Variants in NME7 observed in about 807,000 individuals in gnomAD.
NME7 encodes NME/NM23 family member 7, also known as nucleoside diphosphate kinase 7.
Under a neutral mutation model 49.1 loss-of-function variants are expected in NME7, and 41 were observed. The observed-to-expected ratio is 0.83, with a 90% CI of 0.65 to 1.08. NME7 has a LOEUF of 1.08. Ranked by LOEUF, NME7 falls within the 50% of genes least tolerant of loss-of-function variation. The pLI, the probability that NME7 is intolerant of heterozygous loss-of-function variation, is 0.00. For synonymous variants in NME7, 139 were observed against 150.6 expected, an observed-to-expected ratio of 0.92 and a Z score of 0.56; for missense variants, 423 against 463.4, an observed-to-expected ratio of 0.91 and a Z score of 0.80.
Position 169,237,066 on chromosome 1 carries a change from A to C in NME7, c.819+557T>G, listed in dbSNP as rs74420281. 3.2e-3 allele frequency among the ~76,000 whole-genome samples: 491 copies of C among 152,196 alleles called. 18 individuals are homozygous for C. The East Asian group carries it at 0.074, about 23-fold the overall frequency. On this transcript the variant is annotated intron_variant, in intron 8 of 11. Transcript: ENST00000367811. ...GTTGTTTCTCACTGAAAGGTTTCCT[A>C]GGAGTGTATGAACAACGCAATTTTG...
At position 169,258,536 on chromosome 1, in the gene NME7, A is replaced by C. The variant is rs901794403; in HGVS notation, c.755-20849T>G. On this transcript the variant is annotated intron_variant, in intron 7 of 11. Coordinates refer to ENST00000367811, the MANE Select transcript of NME7 (RefSeq NM_013330.5). The stretch of plus-strand genomic sequence containing the variant: ...TTCTAACTTTCCAAAGTCACAGTTA[A>C]GGAAATTCACAAATTTAGACATCTT... 7.0e-5 allele frequency among the ~76,000 whole-genome samples: 9 copies of C among 128,088 alleles called. 1 individual carries two copies. The highest frequency in any genetic ancestry group is 2.4e-4 in the African/African-American group (9 of 38,176). 84.0% of individuals were successfully genotyped at this position (128,088 alleles called of 152,430 possible).
intron 7 of NME7, among the ~76,000 whole-genome samples, chr1:169,281,713 T>A (rs1005465182): frequency 3.9e-5 from 6 of 151,914 alleles, no homozygotes; most frequent in African/African-American, 1.4e-4. Context: ...GAGGTATGTG[T>A]TTTTTGTCAT....
intron 1 of NME7, among the ~76,000 whole-genome samples, chr1:169,349,438 T>TA (rs1653072153): frequency 6.6e-6 from 1 of 152,228 alleles, no homozygotes; most frequent in South Asian, 2.1e-4. Flanking sequence ...CAGCCACTCT[T>TA]ATGGAATATG....
intron 10 of NME7, among the ~76,000 whole-genome samples, chr1:169,229,945 G>T (rs12145193): frequency 6.6e-6 from 1 of 150,974 alleles, no homozygotes; most frequent in African/African-American, 2.4e-5. Context: ...CTGGGCAACA[G>T]AGTGAGACTC....
At chr1:169,244,661 T>C (rs1648236273) in intron 7 of NME7, among the ~76,000 whole-genome samples, 1 of 148,894 alleles carries the variant, frequency 6.7e-6, no homozygotes, top group Non-Finnish European at 1.5e-5. Flanking sequence ...AAAAATTAAG[T>C]TGTTAAAAAG....
intron 3 of NME7, 106 bp downstream of exon 3, chr1:169,323,011 C>T (rs1651911197): frequency 3.6e-6 from 3 of 827,146 alleles, no homozygotes; most frequent in African/African-American, 1.8e-5. Context: ...AACCATTTTC[C>T]AGGTCCTATC....
intron 1 of NME7, among the ~76,000 whole-genome samples, chr1:169,341,468 G>A (rs1285353301): frequency 1.3e-5 from 2 of 152,212 alleles, no homozygotes; most frequent in East Asian, 3.9e-4. Flanking sequence ...CAATGCAGAG[G>A]GAAAATGTGG....
intron 7 of NME7, among the ~76,000 whole-genome samples, chr1:169,275,762 C>T (rs181831868): frequency 7.5e-6 from 1 of 133,056 alleles, no homozygotes; most frequent in Non-Finnish European, 1.8e-5. Flanking sequence ...CTGTCCTGTG[C>T]CAGTTTTCAA....
At chr1:169,134,007 G>T (rs1226251482) in intron 11 of NME7, among the ~76,000 whole-genome samples, 1 of 152,156 alleles carries the variant, frequency 6.6e-6, no homozygotes, top group Non-Finnish European at 1.5e-5. Flanking sequence ...CATTGTGTGT[G>T]TCTGTAACTT....
intron 10 of NME7, among the ~76,000 whole-genome samples, chr1:169,205,689 G>T (rs753545804): frequency 6.6e-6 from 1 of 152,030 alleles, no homozygotes; most frequent in Non-Finnish European, 1.5e-5. Flanking sequence ...CTTCTGCTCC[G>T]GCCCCACTTT....
intron 3 of NME7, among the ~76,000 whole-genome samples, chr1:169,311,298 A>G (rs895642775): frequency 2.6e-5 from 4 of 151,716 alleles, no homozygotes; most frequent in Non-Finnish European, 5.9e-5. Flanking sequence ...GGCTACTACT[A>G]GTCCCAGCTA....
At chr1:169,365,883 T>G (rs1653833545) in intron 1 of NME7, among the ~76,000 whole-genome samples, 1 of 152,236 alleles carries the variant, frequency 6.6e-6, no homozygotes, top group Non-Finnish European at 1.5e-5. Context: ...AGGATAACTC[T>G]GATTTCTAGT....
chr1:169,257,003 A>G (rs902947819), intron 7 of NME7, among the ~76,000 whole-genome samples: 2 of 130,022 alleles, frequency 1.5e-5, no homozygotes, highest in Admixed American at 7.5e-5. Context: ...TGCAGAGGTT[A>G]CTGCTGTCTT....
At chr1:169,180,781 A>G (rs879316981) in intron 10 of NME7, among the ~76,000 whole-genome samples, 3 of 152,216 alleles carry the variant, frequency 2.0e-5, no homozygotes, top group Admixed American at 2.0e-4. Context: ...GTAATTAATA[A>G]AAATTATTAA....
chr1:169,157,177 A>G (rs942396819), intron 11 of NME7, among the ~76,000 whole-genome samples: 1 of 152,162 alleles, frequency 6.6e-6, no homozygotes, highest in African/African-American at 2.4e-5. Flanking sequence ...GGTCATTGAG[A>G]CATTTCCGCC....
chr1:169,353,911 G>A (rs1653280893), intron 1 of NME7, among the ~76,000 whole-genome samples: 1 of 152,082 alleles, frequency 6.6e-6, no homozygotes, highest in Admixed American at 6.6e-5. Flanking sequence ...ACAAATGCTG[G>A]CAAGGATGTG....
chr1:169,329,409 A>C (rs956262060), intron 1 of NME7, among the ~76,000 whole-genome samples: 15 of 151,656 alleles, frequency 9.9e-5, no homozygotes, highest in Middle Eastern at 3.2e-3. Context: ...AAAAAAAAAA[A>C]AAAAAACCTC....
intron 3 of NME7, among the ~76,000 whole-genome samples, chr1:169,313,916 G>A (rs1189100863): frequency 6.6e-6 from 1 of 152,018 alleles, no homozygotes; most frequent in Admixed American, 6.6e-5. Context: ...AATATCTTGT[G>A]ATGAAAATAC....
chr1:169,342,587 TATAC>T (rs2101963729), intron 1 of NME7, among the ~76,000 whole-genome samples: 2 of 95,988 alleles, frequency 2.1e-5, no homozygotes, highest in African/African-American at 3.6e-5. Context: ...TATATATATA[TATAC>T]AAGTACATAT....
Sources: allele counts gnomAD v4.1 joint callset (sites outside exome capture counted in the v4.1 genomes callset), GRCh38; gene constraint gnomAD v4.1.1; transcripts MANE v1.5; gene names NCBI Gene and HGNC (gene_info 2026-07-23, HGNC 2026-07-21).